WWOX: variants seen among roughly 807,000 people sequenced by gnomAD.
The protein encoded by WWOX is WW domain-containing oxidoreductase.
A neutral mutation model predicts 46.2 loss-of-function variants in WWOX; 69 were observed. The ratio of observed to expected loss-of-function variants is 1.49; its 90% CI spans 1.23 to 1.82. WWOX has a LOEUF of 1.82. WWOX is among the 40% of genes most tolerant of loss of function. The pLI is 0.00. For missense variants in WWOX, 919 were observed against 542.6 expected (o/e 1.69, Z -6.89); for synonymous variants, 359 against 202.6 (o/e 1.77, Z -6.56).
chr16:78,824,140 T>A (rs957412685), intron 8 of WWOX, among the ~76,000 whole-genome samples: 5 of 152,224 alleles, frequency 3.3e-5, no homozygotes, highest in Non-Finnish European at 2.9e-5. Context: ...TTTTTAAAAA[T>A]CTATTTGATT....
In WWOX at chr16:78,099,886, G is replaced by A. The variant is rs1300924648; in HGVS notation, c.107+1G>A. On this transcript the variant is annotated splice_donor_variant, in intron 1 of 8. Coordinates refer to ENST00000566780, the MANE Select transcript of WWOX (RefSeq NM_016373.4). LOFTEE classifies it high-confidence loss of function. ...AGGACGGCTGGGTTTACTACGCCAAGTAAGGGGGCCGCAGTGGGGCCGCGG... is the reference window on the plus strand; with the variant it reads ...AGGACGGCTGGGTTTACTACGCCAAATAAGGGGGCCGCAGTGGGGCCGCGG... 1.9e-6 allele frequency: 3 copies of A among 1,561,792 alleles called. No individual in the cohort carries two copies. The Admixed American group carries it at 5.7e-5, about 30-fold the overall frequency.
At chr16:78,151,549 T>C (rs1177616554) in intron 4 of WWOX, among the ~76,000 whole-genome samples, 1 of 152,204 alleles carries the variant, frequency 6.6e-6, no homozygotes, top group Non-Finnish European at 1.5e-5. Flanking sequence ...ACCTGGACAT[T>C]ACAGCATCCT....
At chr16:78,689,734 T>C (rs1199515595) in intron 8 of WWOX, among the ~76,000 whole-genome samples, 1 of 152,216 alleles carries the variant, frequency 6.6e-6, no homozygotes, top group Non-Finnish European at 1.5e-5. Context: ...CAGCTGTCTT[T>C]ATTATATTTG....
chr16:78,358,892 C>G (rs903045009), intron 5 of WWOX, among the ~76,000 whole-genome samples: 1 of 121,572 alleles, frequency 8.2e-6, no homozygotes, highest in African/African-American at 3.3e-5. Context: ...TTTAACCAGA[C>G]ATATAGTGGC....
intron 8 of WWOX, among the ~76,000 whole-genome samples, chr16:78,568,296 T>A (rs2044624447): frequency 6.6e-6 from 1 of 151,998 alleles, no homozygotes; most frequent in Non-Finnish European, 1.5e-5. Context: ...TGGTTCCTAC[T>A]TATCATTACT....
At chr16:78,131,829 C>T (rs1473650251) in intron 4 of WWOX, among the ~76,000 whole-genome samples, 2 of 151,304 alleles carry the variant, frequency 1.3e-5, no homozygotes, top group East Asian at 2.0e-4. Flanking sequence ...CGTGATCCTC[C>T]TACGTCGGCC....
At chr16:78,563,135 G>A (rs1486609781) in intron 8 of WWOX, among the ~76,000 whole-genome samples, 1 of 152,090 alleles carries the variant, frequency 6.6e-6, no homozygotes, top group East Asian at 1.9e-4. Context: ...AGCTAGCCAA[G>A]AGCAGTGCGA....
chr16:79,180,450 C>T (rs1028291436), intron 8 of WWOX, among the ~76,000 whole-genome samples: 4 of 152,180 alleles, frequency 2.6e-5, no homozygotes, highest in South Asian at 2.1e-4. Flanking sequence ...GACATAAAGC[C>T]TGGGGTGGTG....
At chr16:78,444,386 TAAAA>T (rs951563785) in intron 8 of WWOX, among the ~76,000 whole-genome samples, 34 of 151,888 alleles carry the variant, frequency 2.2e-4, no homozygotes, top group African/African-American at 7.7e-4. Flanking sequence ...TGAAAGGAAA[TAAAA>T]AAAGGAGACT....
chr16:78,497,547 A>G (rs1413378260), intron 8 of WWOX, among the ~76,000 whole-genome samples: 2 of 132,792 alleles, frequency 1.5e-5, no homozygotes, highest in Non-Finnish European at 3.4e-5. Context: ...GAAAGAGAAT[A>G]TTTGCAAACC....
At chr16:79,205,739 A>T (rs528350989) in intron 8 of WWOX, 87 of 152,352 alleles carry the variant, frequency 5.7e-4, no homozygotes, top group African/African-American at 2.0e-3. Flanking sequence ...TGGATTGTTG[A>T]AGGCCTTTGT....
intron 8 of WWOX, among the ~76,000 whole-genome samples, chr16:78,814,928 C>T (rs146983195): frequency 6.6e-6 from 1 of 152,172 alleles, no homozygotes; most frequent in African/African-American, 2.4e-5. Context: ...TGGAAGCTGA[C>T]CATAGTTGGC....
At chr16:78,182,060 A>G (rs1436537319) in intron 5 of WWOX, among the ~76,000 whole-genome samples, 1 of 152,198 alleles carries the variant, frequency 6.6e-6, no homozygotes, top group African/African-American at 2.4e-5. Flanking sequence ...ATGGGGGCCT[A>G]AGCAACGCAT....
chr16:78,512,991 A>C (rs2085400170), intron 8 of WWOX, among the ~76,000 whole-genome samples: 1 of 152,204 alleles, frequency 6.6e-6, no homozygotes, highest in Non-Finnish European at 1.5e-5. Flanking sequence ...GCTGCTTTGC[A>C]CATTTAGGAG....
At chr16:78,377,395 A>G (rs1030782251) in intron 5 of WWOX, among the ~76,000 whole-genome samples, 20 of 152,330 alleles carry the variant, frequency 1.3e-4, no homozygotes, top group African/African-American at 4.6e-4. Flanking sequence ...TGCCATTATA[A>G]TAAATATTAT....
chr16:78,886,906 G>C (rs141419615), intron 8 of WWOX, among the ~76,000 whole-genome samples: 39 of 151,948 alleles, frequency 2.6e-4, no homozygotes, highest in Middle Eastern at 3.4e-3. Flanking sequence ...CTTTTTCCTC[G>C]AACTAGTTCA....
chr16:78,689,857 G>GTT (rs201401432), intron 8 of WWOX, among the ~76,000 whole-genome samples: 4 of 151,378 alleles, frequency 2.6e-5, no homozygotes, highest in African/African-American at 4.9e-5. Flanking sequence ...TTTGTTTTTT[G>GTT]TTTTTTTTGT....
chr16:78,519,814 C>T (rs1207727803), intron 8 of WWOX, among the ~76,000 whole-genome samples: 1 of 152,084 alleles, frequency 6.6e-6, no homozygotes, highest in Non-Finnish European at 1.5e-5. Context: ...TCTACTGGCC[C>T]CTTTATCTTG....
chr16:79,148,762 G>A (rs2150728627), intron 8 of WWOX, among the ~76,000 whole-genome samples: 1 of 151,098 alleles, frequency 6.6e-6, no homozygotes, highest in South Asian at 2.1e-4. Flanking sequence ...GTGTACCTAA[G>A]CATTTCATTT....
Sources: gnomAD v4.1 joint callset for allele counts (sites outside exome capture counted in the v4.1 genomes callset) on GRCh38, gnomAD v4.1.1 for gene constraint, MANE v1.5 for transcripts, NCBI Gene and HGNC (gene_info 2026-07-23, HGNC 2026-07-21) for gene names.